Variants in SHISA9 observed in about 807,000 individuals in gnomAD.
The protein encoded by SHISA9 is protein shisa-9.
A neutral mutation model predicts 38.0 loss-of-function variants in SHISA9; 13 were observed. The observed-to-expected ratio is 0.34, with a 90% CI of 0.22 to 0.54. The LOEUF (loss-of-function observed/expected upper bound fraction) is 0.54, where lower values mean the gene tolerates loss of function less well. Ranked by LOEUF, SHISA9 falls within the 20% of genes least tolerant of loss-of-function variation. The probability of loss-of-function intolerance (pLI) is 0.91; values close to 1 mark genes in which losing one functional copy is unlikely to be tolerated. For missense variants in SHISA9, 538 were observed against 575.8 expected (o/e 0.93, Z 0.67); for synonymous variants, 275 against 242.0 (o/e 1.14, Z -1.27).
At chr16:13,213,399 C>A in intron 4 of SHISA9, 99 bp downstream of exon 4, 2 of 1,134,346 alleles carry the variant, frequency 1.8e-6, no homozygotes, top group Non-Finnish European at 2.6e-6. Context: ...GTGACCTGTG[C>A]ACATGTGTGT....
chr16:13,409,134 TGAGAGGAGTTTGGCTGGGGGTAGTCG>T, the SHISA9 span, among the ~76,000 whole-genome samples: 55 of 152,158 alleles, frequency 3.6e-4, no homozygotes, highest in Non-Finnish European at 6.5e-4. Flanking sequence ...ATCTGAACAC[TGAGAGGAGTTTGGCTGGGGGTAGTCG>T]GAGAGGAGTT....
At chr16:13,505,815 T>A in the SHISA9 span, among the ~76,000 whole-genome samples, 1 of 152,200 alleles carries the variant, frequency 6.6e-6, no homozygotes, top group Non-Finnish European at 1.5e-5. Flanking sequence ...ACCTCCTGGG[T>A]CTGGGTTGGT....
At chr16:12,915,455 A>G (rs13329743) in intron 1 of SHISA9, among the ~76,000 whole-genome samples, 2,934 of 152,256 alleles carry the variant, frequency 0.019, 92 homozygotes, top group African/African-American at 0.067. Context: ...AAGAAAGAAA[A>G]AGATGTTTAT....
chr16:12,983,200 G>A (rs1009249517), intron 2 of SHISA9, among the ~76,000 whole-genome samples: 1 of 152,194 alleles, frequency 6.6e-6, no homozygotes, highest in Non-Finnish European at 1.5e-5. Context: ...TAGGCCCAGA[G>A]AGCGAAGCTG....
the SHISA9 span, among the ~76,000 whole-genome samples, chr16:13,353,923 A>T: frequency 6.6e-6 from 1 of 152,110 alleles, no homozygotes; most frequent in Non-Finnish European, 1.5e-5. Flanking sequence ...CTGTATTGAG[A>T]TGGGAAGGCT....
At chr16:13,528,494 C>T in the SHISA9 span, among the ~76,000 whole-genome samples, 1 of 151,890 alleles carries the variant, frequency 6.6e-6, no homozygotes, top group Non-Finnish European at 1.5e-5. Context: ...GTTTTAAAAA[C>T]TGGGTTACTG....
At chr16:13,023,900 C>T (rs569252444) in intron 2 of SHISA9, among the ~76,000 whole-genome samples, 4 of 152,240 alleles carry the variant, frequency 2.6e-5, no homozygotes, top group Admixed American at 2.0e-4. Context: ...ATTATTCAGC[C>T]CACTCCAGAT....
the SHISA9 span, among the ~76,000 whole-genome samples, chr16:13,373,863 C>T: frequency 1.3e-4 from 20 of 152,152 alleles, no homozygotes; most frequent in East Asian, 3.7e-3. Context: ...AGCACAGAGG[C>T]CCACACAGAA....
chr16:13,019,571 G>T (rs1393158995), intron 2 of SHISA9, among the ~76,000 whole-genome samples: 1 of 151,676 alleles, frequency 6.6e-6, no homozygotes, highest in Non-Finnish European at 1.5e-5. Context: ...AGGTACATTT[G>T]CAGTGTTGTG....
intron 2 of SHISA9, among the ~76,000 whole-genome samples, chr16:13,193,777 T>C (rs983010765): frequency 6.6e-6 from 1 of 152,178 alleles, no homozygotes; most frequent in Non-Finnish European, 1.5e-5. Flanking sequence ...CATTGCCCCA[T>C]AGTGGCAGGT....
the SHISA9 span, among the ~76,000 whole-genome samples, chr16:13,457,971 CCCTT>C: frequency 1.9e-4 from 29 of 151,886 alleles, no homozygotes; most frequent in Middle Eastern, 6.9e-3. Context: ...CTTTCTTCCT[CCCTT>C]CCTTCCTTCC....
At chr16:13,507,537 A>AG in the SHISA9 span, among the ~76,000 whole-genome samples, 1 of 152,170 alleles carries the variant, frequency 6.6e-6, no homozygotes. Flanking sequence ...GAGGTCTGAA[A>AG]GGCCCAAGAA....
At chr16:12,968,023 C>T (rs2072003155) in intron 2 of SHISA9, among the ~76,000 whole-genome samples, 1 of 151,824 alleles carries the variant, frequency 6.6e-6, no homozygotes, top group African/African-American at 2.4e-5. Context: ...AACCTCATCT[C>T]TACTAAAAAT....
At chr16:13,209,570 A>C (rs962007187) in intron 3 of SHISA9, among the ~76,000 whole-genome samples, 1 of 152,242 alleles carries the variant, frequency 6.6e-6, no homozygotes, top group Non-Finnish European at 1.5e-5. Context: ...TCAGGGAACT[A>C]TTCTTTTTCA....
chr16:13,019,963 CCTT>C (rs1173331759), intron 2 of SHISA9, among the ~76,000 whole-genome samples: 3 of 97,336 alleles, frequency 3.1e-5, no homozygotes, highest in Non-Finnish European at 6.2e-5. Context: ...TTCTTTCCCT[CCTT>C]CTTTCCTTCC....
the SHISA9 span, among the ~76,000 whole-genome samples, chr16:13,557,829 C>T: frequency 5.1e-3 from 781 of 152,154 alleles, 2 homozygotes; most frequent in East Asian, 0.036. Context: ...TCCCACTGTC[C>T]CCCTGGCTCA....
chr16:13,315,783 G>A, the SHISA9 span, among the ~76,000 whole-genome samples: 1 of 152,116 alleles, frequency 6.6e-6, no homozygotes, highest in Non-Finnish European at 1.5e-5. Flanking sequence ...AACTGGAAGT[G>A]GATGGATAGC....
chr16:12,934,327 G>C (rs895868449), intron 2 of SHISA9, among the ~76,000 whole-genome samples: 1 of 152,150 alleles, frequency 6.6e-6, no homozygotes, highest in Non-Finnish European at 1.5e-5. Context: ...ATCCAATAAT[G>C]CTTCCCAGTG....
the SHISA9 span, among the ~76,000 whole-genome samples, chr16:13,342,750 G>T: frequency 6.6e-6 from 1 of 152,190 alleles, no homozygotes; most frequent in South Asian, 2.1e-4. Context: ...TAGATTTCAT[G>T]GTCCATTATT....
Sources: gnomAD v4.1 joint callset for allele counts (sites outside exome capture counted in the v4.1 genomes callset) on GRCh38, gnomAD v4.1.1 for gene constraint, MANE v1.5 for transcripts, NCBI Gene and HGNC (gene_info 2026-07-23, HGNC 2026-07-21) for gene names.